HORMAD1: variants seen among roughly 807,000 people sequenced by gnomAD.
HORMAD1 encodes the protein HORMA domain containing 1.
HORMAD1 carries 33 observed loss-of-function variants against 58.2 expected under a neutral mutation model. The observed-to-expected ratio is 0.57, with a 90% CI of 0.43 to 0.76. HORMAD1 has a LOEUF of 0.76. HORMAD1 is among the 30% of genes least tolerant of loss of function. HORMAD1 has a pLI of 0.00. For synonymous variants in HORMAD1, 137 were observed against 144.6 expected, an observed-to-expected ratio of 0.95 and a Z score of 0.38; for missense variants, 363 against 462.0, an observed-to-expected ratio of 0.79 and a Z score of 1.96.
chr1:150,710,629 G>T (rs933069313), intron 7 of HORMAD1, among the ~76,000 whole-genome samples: 3 of 152,116 alleles, frequency 2.0e-5, no homozygotes, highest in Middle Eastern at 6.3e-3. Context: ...TTACCCAAAT[G>T]ATCTGCTTTG....
At chr1:150,717,817 C>G (rs1347198710) in intron 2 of HORMAD1, among the ~76,000 whole-genome samples, 1 of 151,930 alleles carries the variant, frequency 6.6e-6, no homozygotes, top group African/African-American at 2.4e-5. Flanking sequence ...GTAAACCCAG[C>G]TACTCTTGTA....
intron 13 of HORMAD1, among the ~76,000 whole-genome samples, chr1:150,700,755 G>T (rs939140239): frequency 5.3e-5 from 8 of 152,072 alleles, no homozygotes; most frequent in Non-Finnish European, 1.0e-4. Context: ...TAATTAGCAT[G>T]TTTTCAAGGT....
At chr1:150,719,735 C>T (rs953541633) in intron 1 of HORMAD1, among the ~76,000 whole-genome samples, 197 bp from the exon 2 acceptor site, 5 of 152,166 alleles carry the variant, frequency 3.3e-5, no homozygotes, top group Non-Finnish European at 7.3e-5. Flanking sequence ...AGCCATTTGA[C>T]TAGCAAGTCT....
chr1:150,708,780 T>A (rs587683771), intron 8 of HORMAD1, 114 bp downstream of exon 8: 1 of 613,440 alleles, frequency 1.6e-6, no homozygotes, highest in South Asian at 2.3e-5. Context: ...CACATCTTGA[T>A]GGTTAATTGG....
chr1:150,700,337 G>C (rs1014582116), intron 13 of HORMAD1, among the ~76,000 whole-genome samples, 154 bp from the exon 14 acceptor site: 4 of 152,074 alleles, frequency 2.6e-5, no homozygotes, highest in Non-Finnish European at 5.9e-5. Flanking sequence ...GAATGCAGTG[G>C]CACCATCATG....
chr1:150,706,616 TTTTA>T lies in HORMAD1; in HGVS notation c.737_740del (p.Ile246LysfsTer8), dbSNP rs1300900673. The T allele has an allele frequency of 6.2e-7, 1 of 1,613,098 alleles. No homozygotes were observed. The highest frequency in any genetic ancestry group is 1.3e-5 in the African/African-American group (1 of 74,890). ...CCCTCAGGATTTTTTGAAATGGTGT[TTTTA>T]TTTGTTTTGGTGATAGTATAGTTGA... is the stretch of plus-strand genomic sequence containing the variant. On this transcript the variant is annotated frameshift_variant, in exon 10 of 15. Coordinates refer to ENST00000361824, the MANE Select transcript of HORMAD1 (RefSeq NM_032132.5). LOFTEE classifies it high-confidence loss of function.
intron 7 of HORMAD1, among the ~76,000 whole-genome samples, chr1:150,710,701 T>C (rs1450754198): frequency 6.6e-6 from 1 of 152,208 alleles, no homozygotes; most frequent in African/African-American, 2.4e-5. Flanking sequence ...AGACACATTC[T>C]CAGCCCTCCT....
At chr1:150,714,812 G>A (rs916482990) in intron 3 of HORMAD1, 134 bp from the exon 4 acceptor site, 1 of 401,908 alleles carries the variant, frequency 2.5e-6, no homozygotes, top group Non-Finnish European at 4.4e-6. Context: ...TTGAGACAGG[G>A]TCTCACTCTA....
intron 11 of HORMAD1, 28 bp from the exon 12 acceptor site, chr1:150,704,222 CG>C (rs1201098674): frequency 8.7e-6 from 13 of 1,490,128 alleles, no homozygotes; most frequent in Admixed American, 1.9e-5. Flanking sequence ...AAAAGTTACC[CG>C]GGTATAAAAT....
At position 150,714,123 on chromosome 1, in the gene HORMAD1, T is replaced by A; in HGVS notation, c.243-2A>T. The A allele has an allele frequency of 7.4e-7, 1 of 1,344,126 alleles. No individual in the cohort carries two copies. The highest frequency in any genetic ancestry group is 1.0e-6 in the Non-Finnish European group (1 of 976,390). 83.3% of individuals were successfully genotyped at this position (1,344,126 alleles called of 1,614,324 possible). On this transcript the variant is annotated splice_acceptor_variant, in intron 4 of 14. Coordinates refer to ENST00000361824, the MANE Select transcript of HORMAD1 (RefSeq NM_032132.5). LOFTEE classifies it high-confidence loss of function. ...AAAGCATCATAACATCCTAGCATCCTAAAAAAAAAATCAAGGATTCATTTT... is the reference window on the plus strand; with the variant it reads ...AAAGCATCATAACATCCTAGCATCCAAAAAAAAAAATCAAGGATTCATTTT...
chr1:150,704,476 TG>T (rs1445701095), intron 10 of HORMAD1, 133 bp from the exon 11 acceptor site: 2 of 626,078 alleles, frequency 3.2e-6, no homozygotes, highest in Non-Finnish European at 5.5e-6. Flanking sequence ...CCGGGCATGG[TG>T]GCTCATGCTT....
chr1:150,704,975 T>C (rs1285300668), intron 10 of HORMAD1, among the ~76,000 whole-genome samples: 4 of 151,100 alleles, frequency 2.6e-5, no homozygotes, highest in African/African-American at 7.3e-5. Flanking sequence ...CCCAGGAGGC[T>C]AGAGGTTGCA....
intron 13 of HORMAD1, 108 bp from the exon 14 acceptor site, chr1:150,700,291 T>G (rs906201202): frequency 1.6e-6 from 1 of 641,432 alleles, no homozygotes; most frequent in Non-Finnish European, 2.8e-6. Context: ...TTTATTTACT[T>G]TTTAGGGACA....
At chr1:150,707,486 C>T (rs963447142) in intron 9 of HORMAD1, among the ~76,000 whole-genome samples, 2 of 152,290 alleles carry the variant, frequency 1.3e-5, no homozygotes, top group African/African-American at 4.8e-5. Flanking sequence ...TAATCAAAAT[C>T]CTTATATAAC....
chr1:150,713,236 A>T (rs766658081), intron 5 of HORMAD1, among the ~76,000 whole-genome samples: 1 of 152,198 alleles, frequency 6.6e-6, no homozygotes, highest in Non-Finnish European at 1.5e-5. Flanking sequence ...GCAATTTAAC[A>T]TTATTGAAAA....
At chr1:150,719,620 C>G (rs1652182940) in intron 1 of HORMAD1, 82 bp from the exon 2 acceptor site, 1 of 609,824 alleles carries the variant, frequency 1.6e-6, no homozygotes, top group African/African-American at 1.9e-5. Flanking sequence ...AAATTCAAAA[C>G]AATTTTATGT....
At chr1:150,720,065 C>CACCACAGCCAGCATATATATAT (rs58677366) in intron 1 of HORMAD1, among the ~76,000 whole-genome samples, 13 of 150,116 alleles carry the variant, frequency 8.7e-5, no homozygotes, top group Admixed American at 4.0e-4. Flanking sequence ...AGGTGCCCAC[C>CACCACAGCCAGCATATATATAT]ATATATATAT....
rs750819313 is a variant in HORMAD1, at chr1:150,704,367, A to C, written c.805-24T>G. 13 of 1,448,774 alleles carry C rather than the reference A, an allele frequency of 9.0e-6. No homozygotes were observed. The Middle Eastern group carries it at 9.0e-4, about 100-fold the overall frequency. 89.7% of individuals were successfully genotyped at this position (1,448,774 alleles called of 1,614,324 possible). ...TCCTACATAATTATGTGAAGAAAAA[A>C]ATTGACACATTTCAAAAAGGAACTA... On this transcript the variant is annotated intron_variant, in intron 10 of 14. Transcript: ENST00000361824.
chr1:150,716,199 T>C (rs1244418193), intron 3 of HORMAD1, among the ~76,000 whole-genome samples: 1 of 142,862 alleles, frequency 7.0e-6, no homozygotes, highest in Non-Finnish European at 1.5e-5. Context: ...AGTCTTGCTC[T>C]GTTGCCAGGC....
Sources: allele counts gnomAD v4.1 joint callset (sites outside exome capture counted in the v4.1 genomes callset), GRCh38; gene constraint gnomAD v4.1.1; transcripts MANE v1.5; gene names NCBI Gene and HGNC (gene_info 2026-07-23, HGNC 2026-07-21).